The following PCDHGB4 variants were observed in gnomAD, a reference collection of about 807,000 sequenced individuals.
The protein encoded by PCDHGB4 is protocadherin gamma subfamily B, 4, also known as protocadherin gamma-B4.
Under a neutral mutation model 60.5 loss-of-function variants are expected in PCDHGB4, and 38 were observed. The observed-to-expected ratio is 0.63, with a 90% CI of 0.48 to 0.82. PCDHGB4 has a LOEUF of 0.82. Ranked by LOEUF, PCDHGB4 falls within the 40% of genes least tolerant of loss-of-function variation. The probability of loss-of-function intolerance (pLI) is 0.00; values close to 1 mark genes in which losing one functional copy is unlikely to be tolerated. For missense variants in PCDHGB4, 1,109 were observed against 1,209.6 expected, an observed-to-expected ratio of 0.92 and a Z score of 1.23; for synonymous variants, 456 against 509.7, an observed-to-expected ratio of 0.89 and a Z score of 1.42.
chr5:141,419,455 G>A lies in PCDHGB4; in HGVS notation c.2397+29174G>A, dbSNP rs770156844. 8.1e-6 allele frequency: 13 copies of A among 1,612,598 alleles called. No homozygotes were observed. The African/African-American group carries it at 1.7e-4, about 22-fold the overall frequency. ...AGCTGCGCACCTTCGAGCTCACGCT[G>A]CAGGCCCGCGACCAGGGCTCGCCCG... is the stretch of plus-strand genomic sequence containing the variant. On this transcript the variant is annotated intron_variant, in intron 1 of 3. Coordinates refer to ENST00000519479, the MANE Select transcript of PCDHGB4 (RefSeq NM_003736.4).
Position 141,490,693 on chromosome 5 carries a change from G to C in PCDHGB4, c.2398-4114G>C. 2 of 1,614,170 alleles carry C rather than the reference G, an allele frequency of 1.2e-6. No homozygotes were observed. Among genetic ancestry groups the C allele is most frequent in the Non-Finnish European group, 1.7e-6 (2 of 1,180,018 alleles). ...GGCTGCCTCAGATCCAGACACTGGG[G>C]ATAATGCCCGCCTCACCTACTCCAT... is the stretch of plus-strand genomic sequence containing the variant. On this transcript the variant is annotated intron_variant, in intron 1 of 3. Coordinates refer to ENST00000519479, the MANE Select transcript of PCDHGB4 (RefSeq NM_003736.4). This position sits in a 1 kb window ranked among gnomAD's most constrained non-coding sequence, Gnocchi z 5.4.
rs762200805 is a variant in PCDHGB4 at position 141,423,045 on chromosome 5, C to T, written c.2397+32764C>T. 8 of 1,614,210 alleles carry T rather than the reference C, an allele frequency of 5.0e-6. No homozygotes were observed. The East Asian group carries it at 1.8e-4, about 36-fold the overall frequency. ...ATTCAGGCCAGAACGCCTGGCTGTCCTATCGCCTGCTTAAGGCCAGCGAGC... is the reference window on the plus strand; with the variant it reads ...ATTCAGGCCAGAACGCCTGGCTGTCTTATCGCCTGCTTAAGGCCAGCGAGC... On this transcript the variant is annotated intron_variant, in intron 1 of 3. Transcript: ENST00000519479.
rs546603908 is a variant in PCDHGB4, at chr5:141,408,104, C to G, written c.2397+17823C>G. ...ACAGCGGATTGCCAGCTCCGAGACCCGGGACTCCTCCTGTCCTGGGCCGAA... is the reference window on the plus strand; with the variant it reads ...ACAGCGGATTGCCAGCTCCGAGACCGGGGACTCCTCCTGTCCTGGGCCGAA... On this transcript the variant is annotated intron_variant, in intron 1 of 3. Coordinates refer to ENST00000519479, the MANE Select transcript of PCDHGB4 (RefSeq NM_003736.4). The G allele has an allele frequency of 2.8e-3, 4,048 of 1,441,886 alleles. 13 individuals carry two copies. Among genetic ancestry groups the G allele is most frequent in the Admixed American group, 6.6e-3 (242 of 36,606 alleles). 89.3% of individuals were successfully genotyped at this position (1,441,886 alleles called of 1,614,324 possible). A position where few individuals can be genotyped will look rare whatever the true frequency, so the allele number is the denominator to read the frequency against.
intron 1 of PCDHGB4, chr5:141,414,893 C>T: frequency 6.2e-7 from 1 of 1,614,248 alleles, no homozygotes; most frequent in Non-Finnish European, 8.5e-7. Context: ...GCCCTCCCCA[C>T]AGACGGTTCC....
chr5:141,432,864 G>A lies in PCDHGB4; in HGVS notation c.2397+42583G>A. On this transcript the variant is annotated intron_variant, in intron 1 of 3. Coordinates refer to ENST00000519479, the MANE Select transcript of PCDHGB4 (RefSeq NM_003736.4). The surrounding 1 kb of genome is among the most constrained non-coding windows in gnomAD (Gnocchi z 6.0). ...GTGGTAGCGGTGGCCGCGGTCTCCT[G>A]CGTCTTCCTGGCCTTCGTCATCTTG... 6.2e-7 allele frequency: 1 copy of A among 1,614,168 alleles called. No individual in the cohort carries two copies. Among genetic ancestry groups the A allele is most frequent in the South Asian group, 1.1e-5 (1 of 91,084 alleles).
intron 1 of PCDHGB4, chr5:141,419,137 C>CAGGG: frequency 6.2e-7 from 1 of 1,613,892 alleles, no homozygotes; most frequent in Non-Finnish European, 8.5e-7. Context: ...CAGCCACAGA[C>CAGGG]AGGGGCAAGC....
intron 2 of PCDHGB4, among the ~76,000 whole-genome samples, chr5:141,500,023 G>C (rs1393994881): frequency 1.3e-5 from 2 of 151,754 alleles, no homozygotes; most frequent in Admixed American, 6.6e-5. Flanking sequence ...TTTTATATTT[G>C]AGTGAGTGTC....
intron 1 of PCDHGB4, chr5:141,404,403 A>C (rs767148207): frequency 6.2e-7 from 1 of 1,613,896 alleles, no homozygotes; most frequent in Admixed American, 1.7e-5. Context: ...AGCAATGAGA[A>C]TTCTAGAGTT....
At chr5:141,480,703 C>T (rs577131684) in intron 1 of PCDHGB4, among the ~76,000 whole-genome samples, 10 of 152,252 alleles carry the variant, frequency 6.6e-5, no homozygotes, top group Admixed American at 1.3e-4. Flanking sequence ...GGCCACACCC[C>T]GACAAATGAA....
rs2099884060 is a variant in PCDHGB4 at position 141,512,057 on chromosome 5, A to T, written c.*884A>T. 1 of 152,768 alleles carries T rather than the reference A, an allele frequency of 6.5e-6. No individual in the cohort carries two copies. Among genetic ancestry groups the T allele is most frequent in the South Asian group, 2.1e-4 (1 of 4,832 alleles). 9.5% of individuals were successfully genotyped at this position (152,768 alleles called of 1,614,324 possible). ...GGCTCTGTATGTCCTCAGGGGACTG[A>T]CAACATCCTCCAGATTCCAGCCATA... is the stretch of plus-strand genomic sequence containing the variant. On this transcript the variant is annotated 3_prime_UTR_variant, in exon 4 of 4. Coordinates refer to ENST00000519479, the MANE Select transcript of PCDHGB4 (RefSeq NM_003736.4).
intron 1 of PCDHGB4, chr5:141,419,596 G>T: frequency 6.2e-7 from 1 of 1,611,682 alleles, no homozygotes; most frequent in Non-Finnish European, 8.5e-7. Flanking sequence ...ACACAGTGCC[G>T]CGGGCCGCGC....
rs762408704 is a variant in PCDHGB4 at position 141,486,335 on chromosome 5, C to G, written c.2398-8472C>G. 6.2e-7 allele frequency: 1 copy of G among 1,613,936 alleles called. No individual in the cohort carries two copies. The highest frequency in any genetic ancestry group is 8.5e-7 in the Non-Finnish European group (1 of 1,180,002). ...AGGGTCAAACGGAGATGTGAGCCTC[C>G]GCATTCCTGACCACTTGCCATTTGC... On this transcript the variant is annotated intron_variant, in intron 1 of 3. Transcript: ENST00000519479. This position sits in a 1 kb window ranked among gnomAD's most constrained non-coding sequence, Gnocchi z 5.0.
At chr5:141,423,357 C>A in intron 1 of PCDHGB4, 1 of 1,614,214 alleles carries the variant, frequency 6.2e-7, no homozygotes, top group Non-Finnish European at 8.5e-7. Flanking sequence ...TCTTTGTCAT[C>A]GTGCTGCTGG....
chr5:141,397,491 A>G (rs1462298713), intron 1 of PCDHGB4, among the ~76,000 whole-genome samples: 1 of 152,230 alleles, frequency 6.6e-6, no homozygotes, highest in Non-Finnish European at 1.5e-5. Flanking sequence ...AAATGAACAG[A>G]AGAATGATAA....
chr5:141,492,575 C>T (rs1213639439), intron 1 of PCDHGB4, among the ~76,000 whole-genome samples: 1 of 152,218 alleles, frequency 6.6e-6, no homozygotes, highest in South Asian at 2.1e-4. Flanking sequence ...GAGCGAGGCG[C>T]GGGGCCAGGA....
chr5:141,423,956 A>T, intron 1 of PCDHGB4: 4 of 1,182,724 alleles, frequency 3.4e-6, no homozygotes, highest in Non-Finnish European at 4.2e-6. Context: ...TTTTAGTATT[A>T]TTTTTCTATT....
chr5:141,398,026 C>G, intron 1 of PCDHGB4: 2 of 1,446,724 alleles, frequency 1.4e-6, no homozygotes, highest in Admixed American at 2.6e-5. Context: ...TAAACTGGAA[C>G]TGGAACTAAA....
chr5:141,390,392 C>A, intron 1 of PCDHGB4, 111 bp downstream of exon 1: 1 of 1,390,890 alleles, frequency 7.2e-7, no homozygotes. Flanking sequence ...TGTCATGGAT[C>A]ATTTTAGGAA....
At chr5:141,404,451 C>G in intron 1 of PCDHGB4, 4 of 1,613,166 alleles carry the variant, frequency 2.5e-6, no homozygotes, top group Non-Finnish European at 3.4e-6. Flanking sequence ...CAAGGGTCTC[C>G]TCTCTCCACC....
Sources: allele counts gnomAD v4.1 joint callset (sites outside exome capture counted in the v4.1 genomes callset), GRCh38; gene constraint gnomAD v4.1.1; non-coding constraint Gnocchi (gnomAD v3.1); transcripts MANE v1.5; gene names NCBI Gene and HGNC (gene_info 2026-07-23, HGNC 2026-07-21).